Variants in TMC5 observed in about 807,000 individuals in gnomAD.
TMC5 encodes transmembrane channel like 5, also known as transmembrane channel-like protein 5.
A neutral mutation model predicts 110.5 loss-of-function variants in TMC5; 86 were observed. That is an observed-to-expected ratio of 0.78 (90% CI 0.65 to 0.93). TMC5 has a LOEUF of 0.93. Ranked by LOEUF, TMC5 falls within the 40% of genes least tolerant of loss-of-function variation. TMC5 has a pLI of 0.00. For synonymous variants in TMC5, 455 were observed against 439.5 expected (o/e 1.04, Z -0.44); for missense variants, 1,144 against 1,222.8 (o/e 0.94, Z 0.96).
chr16:19,472,367 G>A, intron 11 of TMC5, 124 bp downstream of exon 11: 1 of 1,112,948 alleles, frequency 9.0e-7, no homozygotes, highest in Non-Finnish European at 1.3e-6. Context: ...AGCACTAGCA[G>A]AGAACTTGTT....
At chr16:19,466,365 T>C in intron 9 of TMC5, 132 bp downstream of exon 9, 1 of 993,770 alleles carries the variant, frequency 1.0e-6, no homozygotes, top group Non-Finnish European at 1.5e-6. Context: ...TTTTCTTTTC[T>C]TTCTTAGATA....
chr16:19,441,454 G>A (rs1413849198), intron 3 of TMC5, among the ~76,000 whole-genome samples: 1 of 151,862 alleles, frequency 6.6e-6, no homozygotes, highest in East Asian at 1.9e-4. Flanking sequence ...CAAGTAGCTG[G>A]GACTACAGGT....
At chr16:19,436,301 A>C (rs1212326608) in intron 2 of TMC5, among the ~76,000 whole-genome samples, 1 of 140,768 alleles carries the variant, frequency 7.1e-6, no homozygotes, top group Non-Finnish European at 1.6e-5. Flanking sequence ...AAAAAGAAAA[A>C]GAAAAACAGT....
chr16:19,437,158 G>A (rs1244689892), intron 2 of TMC5, among the ~76,000 whole-genome samples: 1 of 152,168 alleles, frequency 6.6e-6, no homozygotes, highest in Non-Finnish European at 1.5e-5. Context: ...CTGGACGGCA[G>A]AGTGAGACCC....
intron 5 of TMC5, chr16:19,456,331 T>TA (rs371295021): frequency 2.0e-4 from 55 of 277,336 alleles, no homozygotes; most frequent in South Asian, 1.5e-3. Context: ...CACTAAATTA[T>TA]AAAAAAAAAT....
intron 15 of TMC5, among the ~76,000 whole-genome samples, chr16:19,484,038 C>T (rs1452613078): frequency 2.7e-5 from 4 of 147,392 alleles, no homozygotes; most frequent in East Asian, 2.0e-4. Flanking sequence ...ACAGAGATCA[C>T]GCCATTGCAC....
At chr16:19,423,285 C>T (rs1206118061) in intron 1 of TMC5, among the ~76,000 whole-genome samples, 1 of 152,156 alleles carries the variant, frequency 6.6e-6, no homozygotes, top group Non-Finnish European at 1.5e-5. Context: ...GCATCCCTGG[C>T]CTCCACCCAC....
At chr16:19,486,790 C>A in intron 15 of TMC5, 155 bp from the exon 16 acceptor site, 1 of 640,496 alleles carries the variant, frequency 1.6e-6, no homozygotes, top group Non-Finnish European at 2.7e-6. Flanking sequence ...CAGTCACATT[C>A]TGAGATATTC....
Position 19,487,018 on chromosome 16 carries a change from A to T in TMC5, c.2437A>T (p.Asn813Tyr). 2.5e-6 allele frequency: 4 copies of T among 1,613,880 alleles called. No individual in the cohort carries two copies. The highest frequency in any genetic ancestry group is 3.4e-6 in the Non-Finnish European group (4 of 1,179,956). The change falls in exon 16 of 22, where the codon AAT becomes TAT. Residue 813 changes from asparagine (N) to tyrosine (Y), a missense_variant and splice_region_variant. Coordinates refer to ENST00000542583, the MANE Select transcript of TMC5 (RefSeq NM_001261841.2). ...GCTTTTCATCATGTTCTACTCCAAA[A>T]ATGTGAGTCAGTCCGACATTGCCAT... The part of the protein sequence containing the change: ...IMLFIMFYSK[N>Y]ISLMMNFQPP...
At chr16:19,485,747 G>A (rs1050670335) in intron 15 of TMC5, among the ~76,000 whole-genome samples, 2 of 152,154 alleles carry the variant, frequency 1.3e-5, no homozygotes, top group South Asian at 2.1e-4. Flanking sequence ...GTTTGCTAAG[G>A]CTCTCAGCCC....
chr16:19,439,895 C>A, intron 2 of TMC5, 65 bp from the exon 3 acceptor site: 1 of 666,492 alleles, frequency 1.5e-6, no homozygotes, highest in Non-Finnish European at 2.6e-6. Flanking sequence ...TGGAAGATAA[C>A]CAGCAATCTC....
chr16:19,470,379 G>T (rs985152532), intron 10 of TMC5, among the ~76,000 whole-genome samples: 3 of 151,834 alleles, frequency 2.0e-5, no homozygotes, highest in Non-Finnish European at 4.4e-5. Flanking sequence ...TAGAGATGAG[G>T]TTTCACTATA....
intron 15 of TMC5, 97 bp downstream of exon 15, chr16:19,481,562 C>T: frequency 2.2e-6 from 2 of 906,230 alleles, no homozygotes; most frequent in Non-Finnish European, 3.7e-6. Flanking sequence ...GTTTTTAAAG[C>T]TGCAGGGGTG....
intron 2 of TMC5, among the ~76,000 whole-genome samples, chr16:19,437,766 A>G (rs1967379943): frequency 6.6e-6 from 1 of 152,010 alleles, no homozygotes; most frequent in Non-Finnish European, 1.5e-5. Flanking sequence ...CTTTCTTTAA[A>G]TTTTCTGCCC....
At chr16:19,428,899 T>TAC (rs1310676945) in intron 1 of TMC5, among the ~76,000 whole-genome samples, 1 of 152,146 alleles carries the variant, frequency 6.6e-6, no homozygotes, top group Non-Finnish European at 1.5e-5. Context: ...GATCTCGGCT[T>TAC]ACTGCAACCT....
chr16:19,455,747 A>C (rs79337881), intron 5 of TMC5, among the ~76,000 whole-genome samples: 7,535 of 152,270 alleles, frequency 0.049, 260 homozygotes, highest in East Asian at 0.15. Context: ...AACTTTGAGC[A>C]CTATGTCTGC....
In TMC5 at chr16:19,426,602, G is replaced by A. The variant is rs534532670; in HGVS notation, c.-307-3811G>A. On this transcript the variant is annotated intron_variant, in intron 1 of 21. Transcript: ENST00000542583. ...ACTTGTCTCCATCTGTCCCAGAGACGGGCGTCCTCCTTCTTCTGGGTTGGG... is the reference window on the plus strand; with the variant it reads ...ACTTGTCTCCATCTGTCCCAGAGACAGGCGTCCTCCTTCTTCTGGGTTGGG... Among the ~76,000 whole-genome samples the A allele has an allele frequency of 3.9e-5, 6 of 152,296 alleles. No individual in the cohort carries two copies. The East Asian group carries it at 7.7e-4, about 20-fold the overall frequency.
At chr16:19,473,575 C>G (rs1290770421) in intron 11 of TMC5, among the ~76,000 whole-genome samples, 1 of 152,212 alleles carries the variant, frequency 6.6e-6, no homozygotes, top group East Asian at 1.9e-4. Flanking sequence ...TCAGACACAC[C>G]TAGGCTCCAA....
At chr16:19,464,886 TAAA>T (rs371309841) in intron 8 of TMC5, among the ~76,000 whole-genome samples, 2 of 148,044 alleles carry the variant, frequency 1.4e-5, no homozygotes, top group African/African-American at 4.9e-5. Flanking sequence ...ACATACTTGA[TAAA>T]AAAAAAACCA....
Sources: allele counts gnomAD v4.1 joint callset (sites outside exome capture counted in the v4.1 genomes callset), GRCh38; gene constraint gnomAD v4.1.1; transcripts MANE v1.5; gene names NCBI Gene and HGNC (gene_info 2026-07-23, HGNC 2026-07-21).